CLDN14: variants seen among roughly 807,000 people sequenced by gnomAD.
CLDN14 encodes claudin-14.
Under a neutral mutation model 2.1 loss-of-function variants are expected in CLDN14, and 2 were observed. The observed-to-expected ratio is 0.96, with a 90% CI of 0.39 to 3.01. The LOEUF (loss-of-function observed/expected upper bound fraction) is 3.01, where lower values mean the gene tolerates loss of function less well. CLDN14 is among the 30% of genes most tolerant of loss of function. The pLI is 0.09. For synonymous variants in CLDN14, 136 were observed against 154.4 expected (o/e 0.88, Z 0.88); for missense variants, 298 against 328.0 (o/e 0.91, Z 0.71).
At chr21:36,550,081 T>C (rs1371304820) in intron 1 of CLDN14, among the ~76,000 whole-genome samples, 2 of 152,208 alleles carry the variant, frequency 1.3e-5, no homozygotes, top group African/African-American at 4.8e-5. Context: ...AATGAATGAA[T>C]TGGAGTCGTT....
chr21:36,566,516 T>C (rs185588819), intron 1 of CLDN14, among the ~76,000 whole-genome samples: 15 of 151,942 alleles, frequency 9.9e-5, no homozygotes, highest in Admixed American at 3.3e-4. Flanking sequence ...ACTGGACCCA[T>C]GCAATGACTC....
At chr21:36,542,252 C>A (rs953412035) in intron 1 of CLDN14, among the ~76,000 whole-genome samples, 2 of 152,156 alleles carry the variant, frequency 1.3e-5, no homozygotes, top group Admixed American at 6.5e-5. Context: ...CGTGAGCCAC[C>A]GCTCCTGGCC....
chr21:36,554,537 C>T (rs1473714507), intron 1 of CLDN14, among the ~76,000 whole-genome samples: 3 of 152,158 alleles, frequency 2.0e-5, no homozygotes, highest in Non-Finnish European at 4.4e-5. Context: ...TTATTCCCCA[C>T]AACATTCGTG....
intron 1 of CLDN14, among the ~76,000 whole-genome samples, chr21:36,564,357 A>G (rs395383): frequency 0.75 from 113,824 of 151,802 alleles, 44,121 homozygotes; most frequent in Non-Finnish European, 0.87. Flanking sequence ...AAAGCCATCA[A>G]TTAGGGATGA....
At chr21:36,467,138 G>A (rs1322431466) in intron 1 of CLDN14, among the ~76,000 whole-genome samples, 1 of 152,170 alleles carries the variant, frequency 6.6e-6, no homozygotes, top group African/African-American at 2.4e-5. Context: ...AAGGGAGGGG[G>A]TTTTTCTGTG....
At chr21:36,494,030 G>C (rs1403615214) in intron 2 of CLDN14, among the ~76,000 whole-genome samples, 1 of 152,198 alleles carries the variant, frequency 6.6e-6, no homozygotes, top group East Asian at 1.9e-4. Context: ...TCACACATGA[G>C]AGCCCCCAAG....
At chr21:36,576,142 T>C (rs978908930) in intron 1 of CLDN14, among the ~76,000 whole-genome samples, 2 of 152,090 alleles carry the variant, frequency 1.3e-5, no homozygotes, top group African/African-American at 4.8e-5. Context: ...AGCCCAGATA[T>C]ATAAACCTGC....
chr21:36,491,548 T>C (rs146362686), intron 2 of CLDN14, among the ~76,000 whole-genome samples: 3 of 152,324 alleles, frequency 2.0e-5, no homozygotes, highest in Admixed American at 2.0e-4. Context: ...CTGAGAAGAC[T>C]GTATTTGCTA....
At chr21:36,462,942 CA>C (rs199909665) in intron 1 of CLDN14, among the ~76,000 whole-genome samples, 44 of 71,800 alleles carry the variant, frequency 6.1e-4, no homozygotes, top group South Asian at 2.5e-3. Flanking sequence ...AGCAAACAAA[CA>C]AAAAAAAACA....
chr21:36,513,696 C>T (rs1285650895), intron 1 of CLDN14, among the ~76,000 whole-genome samples: 1 of 152,174 alleles, frequency 6.6e-6, no homozygotes, highest in Non-Finnish European at 1.5e-5. Flanking sequence ...GCAGAGAAGT[C>T]ATCCTGAGCT....
At chr21:36,502,096 G>A (rs2087096992) in intron 2 of CLDN14, among the ~76,000 whole-genome samples, 1 of 152,082 alleles carries the variant, frequency 6.6e-6, no homozygotes, top group South Asian at 2.1e-4. Flanking sequence ...ACCACAATGA[G>A]CCAAAAGCAG....
chr21:36,536,116 G>C (rs780697434), intron 1 of CLDN14, among the ~76,000 whole-genome samples: 3 of 152,258 alleles, frequency 2.0e-5, no homozygotes, highest in Non-Finnish European at 4.4e-5. Context: ...TCTGTGGGGA[G>C]GTTGTTGGAT....
intron 2 of CLDN14, among the ~76,000 whole-genome samples, chr21:36,492,809 C>T (rs1008656293): frequency 2.6e-5 from 4 of 152,184 alleles, no homozygotes; most frequent in African/African-American, 9.7e-5. Context: ...CCACCAGGAC[C>T]TGGGACCAGC....
chr21:36,486,153 CCTT>C, intron 2 of CLDN14: 1 of 1,264,544 alleles, frequency 7.9e-7, no homozygotes, highest in Non-Finnish European at 1.2e-6. Context: ...TCATCCTCCT[CCTT>C]GGCTGGCTGG....
rs2146531286 is a variant in CLDN14, at chr21:36,573,845, A to C, written c.-220+2566T>G. ...ACATTAAAACTTCAAATACCTAGGGATAAATCTAATAAAATATGTATAAGA... is the reference window on the plus strand; with the variant it reads ...ACATTAAAACTTCAAATACCTAGGGCTAAATCTAATAAAATATGTATAAGA... On this transcript the variant is annotated intron_variant, in intron 1 of 2. Transcript: ENST00000342108. Among the ~76,000 whole-genome samples the C allele has an allele frequency of 2.6e-5, 4 of 152,298 alleles. No homozygotes were observed. The South Asian group carries it at 8.3e-4, about 32-fold the overall frequency.
chr21:36,544,564 C>A lies in CLDN14; in HGVS notation c.-220+31847G>T, dbSNP rs947047795. ...AATTTGAATTTTCCTGTGCACTAAC[C>A]ACAGGCATCCCCTCCTCCAGAGCAC... On this transcript the variant is annotated intron_variant, in intron 1 of 2. Coordinates refer to the CLDN14 transcript ENST00000342108. The surrounding 1 kb of genome is among the most constrained non-coding windows in gnomAD (Gnocchi z 4.1). Among the ~76,000 whole-genome samples the A allele has an allele frequency of 6.6e-6, 1 of 152,188 alleles. No individual in the cohort carries two copies. The highest frequency in any genetic ancestry group is 2.1e-4 in the South Asian group (1 of 4,834).
chr21:36,532,868 C>G (rs942702001), intron 1 of CLDN14, among the ~76,000 whole-genome samples: 3 of 152,172 alleles, frequency 2.0e-5, no homozygotes, highest in African/African-American at 2.4e-5. Flanking sequence ...AGCTGGCTCT[C>G]TGGCCATATA....
chr21:36,521,574 A>G (rs1025954840), intron 1 of CLDN14, among the ~76,000 whole-genome samples: 1 of 152,236 alleles, frequency 6.6e-6, no homozygotes, highest in African/African-American at 2.4e-5. Flanking sequence ...TGAGTCCTGT[A>G]GAGGGCTTGG....
intron 1 of CLDN14, among the ~76,000 whole-genome samples, chr21:36,574,865 C>G (rs572358826): frequency 3.7e-4 from 57 of 152,232 alleles, no homozygotes; most frequent in Non-Finnish European, 7.6e-4. Flanking sequence ...TCTCTAGGAT[C>G]CAGGCCATGA....
Sources: allele counts gnomAD v4.1 joint callset (sites outside exome capture counted in the v4.1 genomes callset), GRCh38; gene constraint gnomAD v4.1.1; non-coding constraint Gnocchi (gnomAD v3.1); transcripts MANE v1.5; gene names NCBI Gene and HGNC (gene_info 2026-07-23, HGNC 2026-07-21).